Variants in KCNMB2 observed in about 807,000 individuals in gnomAD.
KCNMB2 encodes calcium-activated potassium channel subunit beta-2.
In KCNMB2, 9 loss-of-function variants were observed where a neutral mutation model predicts 24.5. The ratio of observed to expected loss-of-function variants is 0.37; its 90% CI spans 0.22 to 0.64. The LOEUF (loss-of-function observed/expected upper bound fraction) is 0.64, where lower values mean the gene tolerates loss of function less well. Ranked by LOEUF, KCNMB2 falls within the 30% of genes least tolerant of loss-of-function variation. The probability of loss-of-function intolerance (pLI) is 0.63; values close to 1 mark genes in which losing one functional copy is unlikely to be tolerated. For synonymous variants in KCNMB2, 109 were observed against 104.4 expected (o/e 1.04, Z -0.27); for missense variants, 226 against 284.3 (o/e 0.79, Z 1.47).
rs146860669 is a variant in KCNMB2, at chr3:178,802,299, A to G, written c.-67-5044A>G. Among the ~76,000 whole-genome samples the G allele has an allele frequency of 4.3e-3, 662 of 152,304 alleles. 2 individuals carry two copies. Among genetic ancestry groups the G allele is most frequent in the South Asian group, 7.2e-3 (35 of 4,830 alleles). On this transcript the variant is annotated intron_variant, in intron 1 of 4. Transcript: ENST00000452583. ...TTTCTGCAAGGTTAGGCATATAAGTATGTGTTAAATAGTTCCATGGGCTCC... is the reference window on the plus strand; with the variant it reads ...TTTCTGCAAGGTTAGGCATATAAGTGTGTGTTAAATAGTTCCATGGGCTCC...
chr3:178,585,423 T>C (rs1300901904), intron 1 of KCNMB2, among the ~76,000 whole-genome samples: 1 of 152,190 alleles, frequency 6.6e-6, no homozygotes, highest in African/African-American at 2.4e-5. Context: ...GAACTTCTTT[T>C]TCATGGTCCA....
At chr3:178,841,633 G>A (rs1489699033) in intron 4 of KCNMB2, 1 of 152,224 alleles carries the variant, frequency 6.6e-6, no homozygotes, top group African/African-American at 2.4e-5. Flanking sequence ...ATGGTGGCAA[G>A]CAAGAGAGAG....
chr3:178,640,711 C>T (rs1719693655), intron 1 of KCNMB2, among the ~76,000 whole-genome samples: 2 of 152,150 alleles, frequency 1.3e-5, no homozygotes, highest in African/African-American at 4.8e-5. Context: ...TAAAGTTCAA[C>T]TTATTGGTTT....
At chr3:178,542,635 G>A (rs1329947640) in intron 1 of KCNMB2, among the ~76,000 whole-genome samples, 2 of 152,152 alleles carry the variant, frequency 1.3e-5, no homozygotes, top group African/African-American at 4.8e-5. Flanking sequence ...GCTACTGGTG[G>A]TTAGGAGAAT....
rs759620928 is a variant in KCNMB2 at position 178,842,650 on chromosome 3, C to T, written c.424-3C>T. 6.9e-6 allele frequency: 11 copies of T among 1,586,226 alleles called. No individual in the cohort carries two copies. In the East Asian group the frequency reaches 2.2e-4, roughly 32 times the overall value. On this transcript the variant is annotated splice_region_variant and splice_polypyrimidine_tract_variant and intron_variant, in intron 4 of 4. Coordinates refer to ENST00000452583, the MANE Select transcript of KCNMB2 (RefSeq NM_181361.3). ...TAGTAACAGTTTATCTTATTCTCCACAGTGCTCCTATATACCTAAATGTGG... is the reference window on the plus strand; with the variant it reads ...TAGTAACAGTTTATCTTATTCTCCATAGTGCTCCTATATACCTAAATGTGG...
chr3:178,569,962 G>A (rs866437954), intron 1 of KCNMB2, among the ~76,000 whole-genome samples: 2 of 152,076 alleles, frequency 1.3e-5, no homozygotes, highest in Non-Finnish European at 2.9e-5. Context: ...ATCTTGAAAC[G>A]CAACTCCTAT....
chr3:178,762,380 G>A (rs1212425620), intron 1 of KCNMB2, among the ~76,000 whole-genome samples: 1 of 152,152 alleles, frequency 6.6e-6, no homozygotes, highest in African/African-American at 2.4e-5. Context: ...CTGAGAAGAC[G>A]TGGCATGTCC....
intron 1 of KCNMB2, among the ~76,000 whole-genome samples, chr3:178,538,842 T>G (rs1715494612): frequency 1.3e-5 from 2 of 152,234 alleles, no homozygotes; most frequent in African/African-American, 4.8e-5. Flanking sequence ...CAATCTACTT[T>G]ATATCACAAA....
At chr3:178,729,470 A>G (rs1196011535) in intron 1 of KCNMB2, 1 of 152,160 alleles carries the variant, frequency 6.6e-6, no homozygotes, top group Non-Finnish European at 1.5e-5. Context: ...ACTCCAGCAC[A>G]ATCCATGATC....
intron 1 of KCNMB2, among the ~76,000 whole-genome samples, chr3:178,623,005 C>T (rs1199410622): frequency 2.6e-5 from 4 of 152,168 alleles, no homozygotes; most frequent in East Asian, 1.9e-4. Context: ...ACATTAGACA[C>T]GTCAAGTTTG....
At chr3:178,545,016 T>A (rs1435924113) in intron 1 of KCNMB2, among the ~76,000 whole-genome samples, 2 of 152,162 alleles carry the variant, frequency 1.3e-5, no homozygotes, top group African/African-American at 2.4e-5. Flanking sequence ...CTTATCTTTA[T>A]TTACCAGACT....
intron 1 of KCNMB2, among the ~76,000 whole-genome samples, chr3:178,726,954 A>AT (rs1722986482): frequency 6.6e-6 from 1 of 151,508 alleles, no homozygotes; most frequent in African/African-American, 2.4e-5. Context: ...TTGCGATCAC[A>AT]TTTTCATTAC....
intron 1 of KCNMB2, among the ~76,000 whole-genome samples, chr3:178,774,810 C>G (rs1712515244): frequency 6.6e-6 from 1 of 152,218 alleles, no homozygotes; most frequent in African/African-American, 2.4e-5. Context: ...AACAATAGCT[C>G]TAAATTATAC....
chr3:178,607,175 G>C (rs1414029054), intron 1 of KCNMB2, among the ~76,000 whole-genome samples: 1 of 152,126 alleles, frequency 6.6e-6, no homozygotes, highest in African/African-American at 2.4e-5. Context: ...ACAACACAAA[G>C]AACTGAATAT....
intron 1 of KCNMB2, among the ~76,000 whole-genome samples, chr3:178,702,703 G>A (rs1325688791): frequency 6.6e-6 from 1 of 152,130 alleles, no homozygotes; most frequent in Non-Finnish European, 1.5e-5. Context: ...ACAAATATCA[G>A]TGCTAAAAAA....
chr3:178,683,085 C>A (rs185444554), intron 1 of KCNMB2, among the ~76,000 whole-genome samples: 1 of 152,102 alleles, frequency 6.6e-6, no homozygotes, highest in Non-Finnish European at 1.5e-5. Context: ...ATGGAATCAA[C>A]CATGGTACCC....
chr3:178,695,960 T>C (rs1012099342), intron 1 of KCNMB2, among the ~76,000 whole-genome samples: 1 of 152,212 alleles, frequency 6.6e-6, no homozygotes, highest in African/African-American at 2.4e-5. Flanking sequence ...ACTGTATTAG[T>C]CCATGCTCAC....
At chr3:178,768,958 TGAA>T (rs72008424) in intron 1 of KCNMB2, among the ~76,000 whole-genome samples, 45,927 of 151,838 alleles carry the variant, frequency 0.3, 7,042 homozygotes, top group African/African-American at 0.32. Flanking sequence ...CATTGCACGG[TGAA>T]GAAGTGATAG....
rs140960158 is a variant in KCNMB2, at chr3:178,578,598, A to G, written c.-68+41887A>G. On this transcript the variant is annotated intron_variant, in intron 1 of 4. Coordinates refer to ENST00000452583, the MANE Select transcript of KCNMB2 (RefSeq NM_181361.3). ...CACAGACTGGCAAATTGGATAAAAAATCAAGACCCATCAGTCTGCTGTATT... is the reference window on the plus strand; with the variant it reads ...CACAGACTGGCAAATTGGATAAAAAGTCAAGACCCATCAGTCTGCTGTATT... Among the ~76,000 whole-genome samples, 771 of 152,256 alleles carry G rather than the reference A, an allele frequency of 5.1e-3. 6 individuals carry two copies. Among genetic ancestry groups the G allele is most frequent in the African/African-American group, 0.018 (736 of 41,550 alleles).
Sources: allele counts gnomAD v4.1 joint callset (sites outside exome capture counted in the v4.1 genomes callset), GRCh38; gene constraint gnomAD v4.1.1; transcripts MANE v1.5; gene names NCBI Gene and HGNC (gene_info 2026-07-23, HGNC 2026-07-21).